Variants in PDK1 observed in about 807,000 individuals in gnomAD.
The protein encoded by PDK1 is pyruvate dehydrogenase kinase 1.
Under a neutral mutation model 54.2 loss-of-function variants are expected in PDK1, and 39 were observed. The ratio of observed to expected loss-of-function variants is 0.72; its 90% CI spans 0.56 to 0.94. The LOEUF (loss-of-function observed/expected upper bound fraction) is 0.94, where lower values mean the gene tolerates loss of function less well. Ranked by LOEUF, PDK1 falls within the 40% of genes least tolerant of loss-of-function variation. The probability of loss-of-function intolerance (pLI) is 0.00; values close to 1 mark genes in which losing one functional copy is unlikely to be tolerated. For missense variants in PDK1, 552 were observed against 566.0 expected (o/e 0.98, Z 0.25); for synonymous variants, 221 against 207.1 (o/e 1.07, Z -0.58).
At position 172,562,827 on chromosome 2, in the gene PDK1, C is replaced by T. The variant is rs1038609238; in HGVS notation, c.410+536C>T. ...TAAGTAATATGACAATGTTAATAAC[C>T]CATATACCAGAATTGGTAAACCAAA... is the stretch of plus-strand genomic sequence containing the variant. On this transcript the variant is annotated intron_variant, in intron 3 of 10. Coordinates refer to ENST00000282077, the MANE Select transcript of PDK1 (RefSeq NM_002610.5). The T allele has an allele frequency of 3.7e-6, 6 of 1,607,088 alleles. No homozygotes were observed. In the African/African-American group the frequency reaches 6.7e-5, roughly 18 times the overall value.
the PDK1 span, among the ~76,000 whole-genome samples, chr2:172,697,871 G>A: frequency 6.6e-6 from 1 of 152,158 alleles, no homozygotes; most frequent in Non-Finnish European, 1.5e-5. Context: ...AAATTGCAGT[G>A]TATCCTCACC....
At chr2:172,562,326 A>G (rs1313912489) in intron 3 of PDK1, 35 bp downstream of exon 3, 1 of 1,238,584 alleles carries the variant, frequency 8.1e-7, no homozygotes, top group Middle Eastern at 1.9e-4. Context: ...TCTTAAACCT[A>G]TTATTAGGTC....
the PDK1 span, among the ~76,000 whole-genome samples, chr2:172,672,710 A>G: frequency 6.6e-6 from 1 of 152,138 alleles, no homozygotes; most frequent in Non-Finnish European, 1.5e-5. Flanking sequence ...TGTTAATATT[A>G]AGTTTACAAA....
the PDK1 span, among the ~76,000 whole-genome samples, chr2:172,626,012 A>G: frequency 6.6e-6 from 1 of 152,236 alleles, no homozygotes; most frequent in South Asian, 2.1e-4. Flanking sequence ...AACATTTCCT[A>G]GAAATCTTTC....
At chr2:172,576,750 T>C (rs1186735395) in intron 8 of PDK1, among the ~76,000 whole-genome samples, 1 of 152,210 alleles carries the variant, frequency 6.6e-6, no homozygotes, top group African/African-American at 2.4e-5. Flanking sequence ...TGTTGTTTAA[T>C]TGCCACATAC....
the PDK1 span, among the ~76,000 whole-genome samples, chr2:172,636,840 T>A: frequency 0.8 from 122,024 of 152,010 alleles, 49,206 homozygotes; most frequent in African/African-American, 0.87. Flanking sequence ...ATCACTGGGG[T>A]TCACATTTTA....
intron 5 of PDK1, among the ~76,000 whole-genome samples, chr2:172,566,204 TG>T (rs912351100): frequency 1.3e-4 from 20 of 152,330 alleles, no homozygotes; most frequent in African/African-American, 4.8e-4. Flanking sequence ...ACATTTTTTT[TG>T]TAGTTATATT....
chr2:172,684,421 C>CAAAAT, the PDK1 span, among the ~76,000 whole-genome samples: 1 of 151,602 alleles, frequency 6.6e-6, no homozygotes, highest in South Asian at 2.1e-4. Context: ...GACCCCATCT[C>CAAAAT]AAAATAAAAT....
In PDK1 at chr2:172,600,423, T is replaced by C. The variant is rs993515665; in HGVS notation, c.*4454T>C. On this transcript the variant is annotated 3_prime_UTR_variant, in exon 11 of 11. Coordinates refer to ENST00000282077, the MANE Select transcript of PDK1 (RefSeq NM_002610.5). Reference sequence around the variant, plus strand: ...CAGCATAAACATATCTGGTTTAATATGAACTATTTCTTTTCATCTCTTTAC... The same window carrying C: ...CAGCATAAACATATCTGGTTTAATACGAACTATTTCTTTTCATCTCTTTAC... 1 of 152,200 alleles carries C rather than the reference T, an allele frequency of 6.6e-6. No homozygotes were observed. The highest frequency in any genetic ancestry group is 6.5e-5 in the Admixed American group (1 of 15,280). 9.4% of individuals were successfully genotyped at this position (152,200 alleles called of 1,614,324 possible). A position where few individuals can be genotyped will look rare whatever the true frequency, so the allele number is the denominator to read the frequency against.
the PDK1 span, among the ~76,000 whole-genome samples, chr2:172,714,361 T>A: frequency 6.6e-6 from 1 of 152,184 alleles, no homozygotes; most frequent in Non-Finnish European, 1.5e-5. Flanking sequence ...TTAGGAAAAT[T>A]TACATTGTTC....
At chr2:172,671,078 C>T in the PDK1 span, among the ~76,000 whole-genome samples, 5 of 149,340 alleles carry the variant, frequency 3.3e-5, no homozygotes, top group Non-Finnish European at 7.4e-5. Context: ...AATTCCCTGC[C>T]GTGTTTTGGG....
At chr2:172,660,247 C>CTCT in the PDK1 span, among the ~76,000 whole-genome samples, 71 of 44,230 alleles carry the variant, frequency 1.6e-3, 3 homozygotes, top group African/African-American at 6.5e-3. Context: ...CTCTCTCTCT[C>CTCT]TTTTTTTTTT....
intron 2 of PDK1, 27 bp downstream of exon 2, chr2:172,558,876 T>C (rs1688503202): frequency 6.3e-7 from 1 of 1,597,560 alleles, no homozygotes; most frequent in Non-Finnish European, 8.5e-7. Context: ...GTGTTTGCAA[T>C]TTGATGGAGT....
downstream of PDK1, among the ~76,000 whole-genome samples, chr2:172,613,311 G>A (rs184860814): frequency 1.3e-5 from 2 of 152,324 alleles, no homozygotes; most frequent in East Asian, 3.9e-4. Context: ...GACAGATGGA[G>A]CTTATCAGCT....
the PDK1 span, among the ~76,000 whole-genome samples, chr2:172,713,133 C>T: frequency 6.6e-6 from 1 of 152,256 alleles, no homozygotes; most frequent in Non-Finnish European, 1.5e-5. Context: ...GCAGGTTGTA[C>T]AGAGTGTACA....
At chr2:172,635,978 CT>C in the PDK1 span, among the ~76,000 whole-genome samples, 1 of 152,252 alleles carries the variant, frequency 6.6e-6, no homozygotes, top group Non-Finnish European at 1.5e-5. Flanking sequence ...CCTCTGGCTC[CT>C]TTCTGCCTCC....
At chr2:172,623,809 G>A in the PDK1 span, among the ~76,000 whole-genome samples, 1 of 152,198 alleles carries the variant, frequency 6.6e-6, no homozygotes, top group African/African-American at 2.4e-5. Flanking sequence ...CAATGGAAAT[G>A]TTTAGTCATC....
At chr2:172,721,965 A>G in the PDK1 span, among the ~76,000 whole-genome samples, 1 of 152,142 alleles carries the variant, frequency 6.6e-6, no homozygotes, top group Non-Finnish European at 1.5e-5. Flanking sequence ...TCTTCCATGA[A>G]CTACACTTTA....
chr2:172,681,861 C>T, the PDK1 span, among the ~76,000 whole-genome samples: 1 of 152,094 alleles, frequency 6.6e-6, no homozygotes, highest in Non-Finnish European at 1.5e-5. Context: ...CAGGTTCAAG[C>T]GATTCTCAAG....
Sources: allele counts gnomAD v4.1 joint callset (sites outside exome capture counted in the v4.1 genomes callset), GRCh38; gene constraint gnomAD v4.1.1; transcripts MANE v1.5; gene names NCBI Gene and HGNC (gene_info 2026-07-23, HGNC 2026-07-21).